The following CELF4 variants were observed in gnomAD, a reference collection of about 807,000 sequenced individuals.
CELF4 encodes the protein CUG-BP- and ETR-3-like factor 4.
CELF4 carries 18 observed loss-of-function variants against 59.9 expected under a neutral mutation model. The observed-to-expected ratio is 0.30, with a 90% confidence interval of 0.21 to 0.45. The LOEUF (loss-of-function observed/expected upper bound fraction) is 0.45. CELF4 is among the 20% of genes least tolerant of loss of function. CELF4 has a pLI of 1.00. For missense variants in CELF4, 456 were observed against 689.0 expected (o/e 0.66, Z 3.79); for synonymous variants, 261 against 267.1 (o/e 0.98, Z 0.22).
intron 2 of CELF4, among the ~76,000 whole-genome samples, chr18:37,385,948 G>A (rs2099094810): frequency 6.6e-6 from 1 of 152,218 alleles, no homozygotes; most frequent in African/African-American, 2.4e-5. Flanking sequence ...GCTCAAGTGT[G>A]ACATTTATTG....
intron 1 of CELF4, among the ~76,000 whole-genome samples, chr18:37,560,368 C>A (rs371023291): frequency 1.1e-3 from 167 of 152,312 alleles, no homozygotes; most frequent in African/African-American, 3.9e-3. Flanking sequence ...ATAAGCAAAT[C>A]ATTTCCCAAT....
chr18:37,318,231 C>T (rs937322842), intron 3 of CELF4, among the ~76,000 whole-genome samples: 1 of 151,994 alleles, frequency 6.6e-6, no homozygotes, highest in Admixed American at 6.5e-5. Flanking sequence ...CCCCTCGCAC[C>T]ACTGTGCCCC....
intron 2 of CELF4, among the ~76,000 whole-genome samples, chr18:37,338,746 A>G (rs1292876127): frequency 7.3e-6 from 1 of 137,856 alleles, no homozygotes; most frequent in Non-Finnish European, 1.6e-5. Context: ...AATGGACTTG[A>G]AAATGCAGGA....
Position 37,254,505 on chromosome 18 carries a change from C to T in CELF4, c.1334-567G>A, listed in dbSNP as rs1391504794. Reference sequence around the variant, plus strand: ...CCGGCTGTCGGAGGAGGCCCAGAGGCTGAGCCCTCGCGGGCCCTCCGCCCC... The same window carrying T: ...CCGGCTGTCGGAGGAGGCCCAGAGGTTGAGCCCTCGCGGGCCCTCCGCCCC... On this transcript the variant is annotated intron_variant, in intron 11 of 12. Coordinates refer to ENST00000420428, the MANE Select transcript of CELF4 (RefSeq NM_020180.4). This position sits in a 1 kb window ranked among gnomAD's most constrained non-coding sequence, Gnocchi z 5.1. Among the ~76,000 whole-genome samples the T allele has an allele frequency of 6.6e-6, 1 of 151,958 alleles. No homozygotes were observed. Among genetic ancestry groups the T allele is most frequent in the African/African-American group, 2.4e-5 (1 of 41,392 alleles).
intron 2 of CELF4, among the ~76,000 whole-genome samples, chr18:37,479,634 A>C (rs2099860776): frequency 6.6e-6 from 1 of 152,194 alleles, no homozygotes; most frequent in Admixed American, 6.5e-5. Context: ...TCCAGGTGAG[A>C]TACAGAGGAA....
intron 10 of CELF4, among the ~76,000 whole-genome samples, chr18:37,263,703 C>A (rs2076044901): frequency 6.6e-6 from 1 of 152,054 alleles, no homozygotes. Flanking sequence ...ACCCAAAGAT[C>A]TTGCTGTCCT....
chr18:37,393,975 G>T (rs566938112), intron 2 of CELF4, among the ~76,000 whole-genome samples: 104 of 151,252 alleles, frequency 6.9e-4, no homozygotes, highest in South Asian at 1.5e-3. Flanking sequence ...GGTCGGCTCT[G>T]GGATTTGCAT....
At chr18:37,538,943 G>A (rs145625625) in intron 1 of CELF4, among the ~76,000 whole-genome samples, 52 of 152,184 alleles carry the variant, frequency 3.4e-4, no homozygotes, top group African/African-American at 1.0e-3. Flanking sequence ...CCCTCTCTGC[G>A]GAGTCTCCTT....
intron 3 of CELF4, among the ~76,000 whole-genome samples, chr18:37,278,445 C>T (rs2093683252): frequency 6.6e-6 from 1 of 152,210 alleles, no homozygotes; most frequent in Admixed American, 6.5e-5. Flanking sequence ...GTCTCTCAGA[C>T]CAGGGGCTGG....
intron 3 of CELF4, among the ~76,000 whole-genome samples, chr18:37,278,467 G>A (rs1237554320): frequency 6.6e-6 from 1 of 152,200 alleles, no homozygotes; most frequent in Non-Finnish European, 1.5e-5. Context: ...GGGACTTTGA[G>A]TTTGCGAGTG....
chr18:37,299,302 T>C (rs2095855030), intron 3 of CELF4, among the ~76,000 whole-genome samples: 1 of 152,152 alleles, frequency 6.6e-6, no homozygotes, highest in Non-Finnish European at 1.5e-5. Context: ...GTTGCAAATA[T>C]TTTCTTGATT....
chr18:37,529,607 A>G (rs1385654476), intron 1 of CELF4, among the ~76,000 whole-genome samples: 1 of 152,174 alleles, frequency 6.6e-6, no homozygotes, highest in Non-Finnish European at 1.5e-5. Context: ...TGGCCTTCCT[A>G]CAGCCAAGGG....
In CELF4 at chr18:37,403,411, G is replaced by A. The variant is rs562024862; in HGVS notation, c.370-81530C>T. On this transcript the variant is annotated intron_variant, in intron 2 of 12. Transcript: ENST00000420428. ...ACAAGGAGTCACCCTCCATGGAGGC[G>A]AGGCCACCCCTCCCCTGTGGCTCTC... Among the ~76,000 whole-genome samples, 31 of 152,260 alleles carry A rather than the reference G, an allele frequency of 2.0e-4. No individual in the cohort carries two copies. The East Asian group carries it at 2.9e-3, about 14-fold the overall frequency.
At chr18:37,404,104 T>C (rs1230272092) in intron 2 of CELF4, among the ~76,000 whole-genome samples, 1 of 152,326 alleles carries the variant, frequency 6.6e-6, no homozygotes, top group East Asian at 1.9e-4. Flanking sequence ...ACATGCCTTG[T>C]CACAGTTACT....
intron 1 of CELF4, among the ~76,000 whole-genome samples, chr18:37,536,743 C>T (rs140588037): frequency 1.3e-5 from 2 of 152,262 alleles, no homozygotes; most frequent in Non-Finnish European, 2.9e-5. Flanking sequence ...TCCCACACTC[C>T]GCCATCACCA....
intron 2 of CELF4, among the ~76,000 whole-genome samples, chr18:37,427,215 G>A (rs2099620007): frequency 6.6e-6 from 1 of 152,154 alleles, no homozygotes; most frequent in Admixed American, 6.5e-5. Context: ...TGCTGGCCTG[G>A]GGTAGGAGGT....
intron 2 of CELF4, among the ~76,000 whole-genome samples, chr18:37,355,098 AT>A (rs2098541184): frequency 6.6e-6 from 1 of 152,108 alleles, no homozygotes; most frequent in Non-Finnish European, 1.5e-5. Context: ...CAAATGCTTG[AT>A]TTTGTGTCTA....
chr18:37,552,875 C>T (rs2099983665), intron 1 of CELF4, among the ~76,000 whole-genome samples: 1 of 152,204 alleles, frequency 6.6e-6, no homozygotes, highest in Admixed American at 6.5e-5. Flanking sequence ...GTCAGCCCTT[C>T]AGGAGTGTGA....
At chr18:37,343,339 G>A (rs898075320) in intron 2 of CELF4, among the ~76,000 whole-genome samples, 7 of 145,736 alleles carry the variant, frequency 4.8e-5, no homozygotes, top group Non-Finnish European at 1.1e-4. Flanking sequence ...CTGTGTGTGT[G>A]TGTGTGTGTG....
Sources: gnomAD v4.1 joint callset for allele counts (sites outside exome capture counted in the v4.1 genomes callset) on GRCh38, gnomAD v4.1.1 for gene constraint, Gnocchi (gnomAD v3.1) non-coding constraint, MANE v1.5 for transcripts, NCBI Gene and HGNC (gene_info 2026-07-23, HGNC 2026-07-21) for gene names.